The following VAC14 variants were observed in gnomAD, a reference collection of about 807,000 sequenced individuals.
VAC14 encodes VAC14 component of PIKFYVE complex, also known as protein VAC14 homolog.
A neutral mutation model predicts 85.3 loss-of-function variants in VAC14; 47 were observed. The observed-to-expected ratio is 0.55, with a 90% CI of 0.44 to 0.70. VAC14 has a LOEUF of 0.70. Ranked by LOEUF, VAC14 falls within the 30% of genes least tolerant of loss-of-function variation. VAC14 has a pLI of 0.00. For missense variants in VAC14, 861 were observed against 1,004.3 expected, an observed-to-expected ratio of 0.86 and a Z score of 1.93; for synonymous variants, 447 against 430.5, an observed-to-expected ratio of 1.04 and a Z score of -0.47.
chr16:70,749,805 C>T (rs1383751774), intron 12 of VAC14, among the ~76,000 whole-genome samples: 1 of 152,244 alleles, frequency 6.6e-6, no homozygotes, highest in Non-Finnish European at 1.5e-5. Flanking sequence ...CTGACTCAGC[C>T]CAGGGGGTGA....
At chr16:70,693,084 C>T in intron 17 of VAC14, 113 bp from the exon 18 acceptor site, 1 of 1,394,814 alleles carries the variant, frequency 7.2e-7, no homozygotes. Context: ...TGCCATGGCA[C>T]CCACAGCCCA....
intron 12 of VAC14, among the ~76,000 whole-genome samples, chr16:70,749,349 C>T (rs1387619760): frequency 6.6e-6 from 1 of 152,270 alleles, no homozygotes; most frequent in Non-Finnish European, 1.5e-5. Flanking sequence ...TTTACATTTT[C>T]AATTCTCTTA....
intron 12 of VAC14, among the ~76,000 whole-genome samples, chr16:70,757,544 C>T (rs1372990147): frequency 3.3e-5 from 5 of 152,228 alleles, no homozygotes; most frequent in African/African-American, 1.2e-4. Flanking sequence ...GTGTCCTTGT[C>T]TGCCTTTCTA....
intron 13 of VAC14, among the ~76,000 whole-genome samples, chr16:70,740,517 C>T (rs75370427): frequency 0.012 from 1,858 of 152,360 alleles, 39 homozygotes; most frequent in African/African-American, 0.043. Flanking sequence ...CCTCCTCTGT[C>T]CTTTGAAGTT....
chr16:70,732,538 A>G (rs1437934477), intron 13 of VAC14, among the ~76,000 whole-genome samples: 2 of 152,094 alleles, frequency 1.3e-5, no homozygotes, highest in African/African-American at 4.8e-5. Flanking sequence ...GCCCGTTGGT[A>G]TCTTCCCTGG....
intron 1 of VAC14, among the ~76,000 whole-genome samples, chr16:70,800,248 G>A (rs2034718946): frequency 1.3e-5 from 2 of 152,200 alleles, no homozygotes; most frequent in African/African-American, 4.8e-5. Flanking sequence ...AGCAAGAAAG[G>A]TCAAATTATT....
intron 1 of VAC14, among the ~76,000 whole-genome samples, chr16:70,795,472 G>T (rs1347299105): frequency 6.7e-6 from 1 of 149,752 alleles, no homozygotes; most frequent in Non-Finnish European, 1.5e-5. Context: ...CTCCAGCCTG[G>T]GCGACAGAGC....
intron 12 of VAC14, among the ~76,000 whole-genome samples, chr16:70,754,132 T>G (rs1206582329): frequency 1.3e-5 from 2 of 152,162 alleles, no homozygotes; most frequent in Non-Finnish European, 2.9e-5. Flanking sequence ...CAAACCCTCC[T>G]GGCACACAGT....
intron 13 of VAC14, 126 bp downstream of exon 13, chr16:70,744,297 A>G: frequency 7.4e-7 from 1 of 1,348,332 alleles, no homozygotes; most frequent in Non-Finnish European, 1.0e-6. Context: ...CAACCCACAG[A>G]CCCCTCACAC....
Position 70,707,580 on chromosome 16 carries a change from C to T in VAC14, c.1662-8769G>A, listed in dbSNP as rs573560373. Among the ~76,000 whole-genome samples the T allele has an allele frequency of 4.1e-4, 63 of 152,120 alleles. No homozygotes were observed. In the South Asian group the frequency reaches 0.01, roughly 25 times the overall value. ...TCTGGGTGGGAGCTGCCACAGAAAA[C>T]GAAACAGTCTCACAGAGGCAGCTGA... On this transcript the variant is annotated intron_variant, in intron 14 of 18. Coordinates refer to ENST00000261776, the MANE Select transcript of VAC14 (RefSeq NM_018052.5).
At chr16:70,760,769 T>C (rs1029878862) in intron 12 of VAC14, among the ~76,000 whole-genome samples, 2 of 152,082 alleles carry the variant, frequency 1.3e-5, no homozygotes, top group African/African-American at 4.8e-5. Flanking sequence ...ATTAAACAAC[T>C]CAGTTTAAAG....
chr16:70,743,175 CTG>C (rs2030524578), intron 13 of VAC14, among the ~76,000 whole-genome samples: 1 of 151,950 alleles, frequency 6.6e-6, no homozygotes, highest in African/African-American at 2.4e-5. Flanking sequence ...CCAATCAGCA[CTG>C]TGTGTCTAAA....
At chr16:70,796,663 GA>G (rs2034558445) in intron 1 of VAC14, among the ~76,000 whole-genome samples, 1 of 152,184 alleles carries the variant, frequency 6.6e-6, no homozygotes, top group Non-Finnish European at 1.5e-5. Flanking sequence ...TAAATGAGAT[GA>G]GGGGTATACC....
intron 14 of VAC14, chr16:70,699,127 G>T: frequency 3.3e-6 from 1 of 304,574 alleles, no homozygotes; most frequent in Non-Finnish European, 6.3e-6. Context: ...CTGAGATCCC[G>T]TCACCTTCCT....
chr16:70,733,162 T>A (rs950715385), intron 13 of VAC14, among the ~76,000 whole-genome samples: 1 of 152,198 alleles, frequency 6.6e-6, no homozygotes, highest in Admixed American at 6.5e-5. Flanking sequence ...CCATGGCCCC[T>A]AGCGATCACT....
intron 10 of VAC14, chr16:70,769,178 G>A (rs2033037031): frequency 5.7e-6 from 1 of 174,018 alleles, no homozygotes; most frequent in African/African-American, 2.4e-5. Flanking sequence ...AAGGGTCAAT[G>A]GCCACTCAGA....
intron 12 of VAC14, among the ~76,000 whole-genome samples, chr16:70,749,044 A>G (rs1429662864): frequency 6.6e-6 from 1 of 152,228 alleles, no homozygotes; most frequent in African/African-American, 2.4e-5. Context: ...GTTTCCCTAT[A>G]TGCGCAATGG....
At chr16:70,773,727 A>C (rs1391800249) in intron 9 of VAC14, among the ~76,000 whole-genome samples, 2 of 152,150 alleles carry the variant, frequency 1.3e-5, no homozygotes, top group Non-Finnish European at 2.9e-5. Flanking sequence ...AGCTGCCCCT[A>C]ATGCTAACAT....
chr16:70,689,672 T>C, intron 18 of VAC14: 1 of 985,668 alleles, frequency 1.0e-6, no homozygotes, highest in Non-Finnish European at 1.2e-6. Context: ...GCTGCTTTTC[T>C]GGGCCTGGCG....
Sources: gnomAD v4.1 joint callset for allele counts (sites outside exome capture counted in the v4.1 genomes callset) on GRCh38, gnomAD v4.1.1 for gene constraint, MANE v1.5 for transcripts, NCBI Gene and HGNC (gene_info 2026-07-23, HGNC 2026-07-21) for gene names.